CNTNAP1: variants seen among roughly 807,000 people sequenced by gnomAD.
CNTNAP1 encodes contactin associated protein 1.
In CNTNAP1, 80 loss-of-function variants were observed where a neutral mutation model predicts 161.5. The ratio of observed to expected loss-of-function variants is 0.50; its 90% confidence interval spans 0.41 to 0.60. The LOEUF (loss-of-function observed/expected upper bound fraction) is 0.60. Ranked by LOEUF, CNTNAP1 falls within the 20% of genes least tolerant of loss-of-function variation. CNTNAP1 has a pLI of 0.00. For missense variants in CNTNAP1, 1,464 were observed against 1,854.8 expected (o/e 0.79, Z 3.87); for synonymous variants, 695 against 733.1 (o/e 0.95, Z 0.84).
intron 6 of CNTNAP1, 23 bp from the exon 7 acceptor site, chr17:42,686,880 C>G: frequency 6.3e-7 from 1 of 1,584,186 alleles, no homozygotes; most frequent in East Asian, 2.3e-5. Context: ...CCCAAGAGGC[C>G]TCATTCCCCA....
At position 42,689,645 on chromosome 17, in the gene CNTNAP1, T is replaced by C; in HGVS notation, c.1735+18T>C. Reference sequence around the variant, plus strand: ...CCACACACGTAAGCCAGATGTGGTATGGGGGGAGTCAGGGACAAGGGAGGT... The same window carrying C: ...CCACACACGTAAGCCAGATGTGGTACGGGGGGAGTCAGGGACAAGGGAGGT... On this transcript the variant is annotated intron_variant, in intron 11 of 23. Transcript: ENST00000264638. The C allele has an allele frequency of 6.2e-7, 1 of 1,600,656 alleles. No homozygotes were observed. Among genetic ancestry groups the C allele is most frequent in the Non-Finnish European group, 8.6e-7 (1 of 1,168,092 alleles).
intron 1 of CNTNAP1, chr17:42,683,262 A>AAGGGGTGGGGTTTGTGGCT: frequency 3.9e-6 from 3 of 762,332 alleles, no homozygotes; most frequent in Non-Finnish European, 1.7e-6. Flanking sequence ...GGAGCTGGCC[A>AAGGGGTGGGGTTTGTGGCT]AGGGGTGGGG....
chr17:42,698,047 A>G (rs1217666547), intron 23 of CNTNAP1, 97 bp downstream of exon 23: 1 of 1,355,362 alleles, frequency 7.4e-7, no homozygotes, highest in African/African-American at 1.4e-5. Context: ...CAGGATGGCA[A>G]AGGCACTAGA....
Position 42,687,606 on chromosome 17 carries a change from C to CGCCAA in CNTNAP1, c.1045-113_1045-109dup. ...ACGTCATGGTTGGAGATCTCACCCC[C>CGCCAA]GCCAACACCGAAGGAGGGCGGTGAC... On this transcript the variant is annotated intron_variant, in intron 7 of 23. Transcript: ENST00000264638. This position sits in a 1 kb window ranked among gnomAD's most constrained non-coding sequence, Gnocchi z 4.7. 2 of 1,392,132 alleles carry CGCCAA rather than the reference C, an allele frequency of 1.4e-6. No homozygotes were observed. Among genetic ancestry groups the CGCCAA allele is most frequent in the South Asian group, 2.7e-5 (2 of 73,614 alleles). 86.2% of individuals were successfully genotyped at this position (1,392,132 alleles called of 1,614,324 possible). A position where few individuals can be genotyped will look rare whatever the true frequency, so the allele number is the denominator to read the frequency against.
rs764567288 is a variant in CNTNAP1, at chr17:42,687,023, C to T, written c.1021C>T (p.Arg341Cys). ...CAACATCGCAGACCTGGCCGTGCGGCGCCATTCCCGGATCACCTTCGAGGC... is the reference window on the plus strand; with the variant it reads ...CAACATCGCAGACCTGGCCGTGCGGTGCCATTCCCGGATCACCTTCGAGGC... ...RVNIADLAVR[R>C]HSRITFEGKV... Residue 341 changes from arginine to cysteine, a missense_variant, in exon 7 of 24, where the codon CGC (arginine) becomes TGC (cysteine). Coordinates refer to ENST00000264638, the MANE Select transcript of CNTNAP1 (RefSeq NM_003632.3). The surrounding 1 kb of genome is among the most constrained non-coding windows in gnomAD (Gnocchi z 4.7). 3 of 1,613,452 alleles carry T rather than the reference C, an allele frequency of 1.9e-6. No individual in the cohort carries two copies. Among genetic ancestry groups the T allele is most frequent in the Non-Finnish European group, 2.5e-6 (3 of 1,179,522 alleles).
In CNTNAP1 at chr17:42,691,308, G is replaced by A. The variant is rs746801959; in HGVS notation, c.2216+15G>A. ...CAGCCCCAGTGGTGAGGGGGCAAAGGGACAGGGTTTTTAGGACTCCGGGAG... is the reference window on the plus strand; with the variant it reads ...CAGCCCCAGTGGTGAGGGGGCAAAGAGACAGGGTTTTTAGGACTCCGGGAG... On this transcript the variant is annotated intron_variant, in intron 14 of 23. Transcript: ENST00000264638. The surrounding 1 kb of genome is among the most constrained non-coding windows in gnomAD (Gnocchi z 4.3). The A allele has an allele frequency of 8.1e-6, 13 of 1,613,998 alleles. No homozygotes were observed. The African/African-American group carries it at 1.6e-4, about 20-fold the overall frequency.
At position 42,686,972 on chromosome 17, in the gene CNTNAP1, A is replaced by C. The variant is rs773997395; in HGVS notation, c.970A>C (p.Ile324Leu). 2 of 1,614,026 alleles carry C rather than the reference A, an allele frequency of 1.2e-6. No homozygotes were observed. Among genetic ancestry groups the C allele is most frequent in the Non-Finnish European group, 8.5e-7 (1 of 1,179,964 alleles). ...CTATCGGCATAACTTCCGCGGCTGCATAGAAAACGTAATCTTCAACCGCGT... is the reference window on the plus strand; with the variant it reads ...CTATCGGCATAACTTCCGCGGCTGCCTAGAAAACGTAATCTTCAACCGCGT... ...LAYRHNFRGC[I>L]ENVIFNRVNI... The change falls in exon 7 of 24, where the codon ATA becomes CTA. Residue 324 changes from isoleucine (I) to leucine (L), a missense_variant. Physicochemically the swap from Ile to Leu is conservative, Grantham distance 5. Around this residue, in one of 3 missense-constraint regions of CNTNAP1, gnomAD observed 1,383 missense variants for 1,765.0 expected, o/e 0.78. Transcript: ENST00000264638.
Position 42,691,856 on chromosome 17 carries a change from C to T in CNTNAP1, c.2395C>T (p.Pro799Ser). 1.9e-6 allele frequency: 3 copies of T among 1,614,148 alleles called. No homozygotes were observed. Among genetic ancestry groups the T allele is most frequent in the Non-Finnish European group, 1.7e-6 (2 of 1,180,024 alleles). Residue 799 changes from proline (P) to serine (S), a missense_variant, in exon 16 of 24, where the codon CCC becomes TCC. Pro to Ser is a moderately conservative substitution (Grantham distance 74, BLOSUM62 -1). Coordinates refer to ENST00000264638, the MANE Select transcript of CNTNAP1 (RefSeq NM_003632.3). This position sits in a 1 kb window ranked among gnomAD's most constrained non-coding sequence, Gnocchi z 4.3. ...CCACACCGGGGCTGCACTACGCTTC[C>T]CCCCAATCCGTGCCAACCACAGCCT... The part of the protein sequence containing the change: ...SFHTGAALRF[P>S]PIRANHSLDV...
At position 42,696,026 on chromosome 17, in the gene CNTNAP1, G is replaced by A. The variant is rs1485893637; in HGVS notation, c.3348G>A (p.Gly1116=). The A allele has an allele frequency of 1.2e-6, 2 of 1,614,004 alleles. No homozygotes were observed. The highest frequency in any genetic ancestry group is 8.5e-7 in the Non-Finnish European group (1 of 1,179,986). The stretch of plus-strand genomic sequence containing the variant: ...AAATTTCTTCTCCCCACCCCACAGG[G>A]ACCCTTCAGCTGCGATATCAGCTGG... ...DYMAVLIKDD[G]TLQLRYQLGT... Residue 1116 remains glycine, a splice_region_variant and synonymous_variant, in exon 20 of 24, where the codon GGG becomes GGA. Coordinates refer to ENST00000264638, the MANE Select transcript of CNTNAP1 (RefSeq NM_003632.3).
At chr17:42,697,849 A>G in intron 22 of CNTNAP1, 50 bp downstream of exon 22, 2 of 1,614,162 alleles carry the variant, frequency 1.2e-6, no homozygotes, top group Non-Finnish European at 1.7e-6. Context: ...CACGGAAGGG[A>G]ATGATTCTTA....
At chr17:42,683,185 G>A in intron 1 of CNTNAP1, 1 of 576,132 alleles carries the variant, frequency 1.7e-6, no homozygotes, top group East Asian at 3.3e-5. Flanking sequence ...GCTAGGGCTG[G>A]GGGATAAGTG....
chr17:42,685,179 C>A lies in CNTNAP1; in HGVS notation c.512-38C>A, dbSNP rs762381959. 3.1e-6 allele frequency: 5 copies of A among 1,610,774 alleles called. No homozygotes were observed. In the South Asian group the frequency reaches 4.4e-5, roughly 14 times the overall value. On this transcript the variant is annotated intron_variant, in intron 4 of 23. Transcript: ENST00000264638. The surrounding 1 kb of genome is among the most constrained non-coding windows in gnomAD (Gnocchi z 5.0). ...GCGCGGAGGGGGCCTGGGAGACAGC[C>A]TCCCCAGTTCCCGGCCCACCTACGG...
At position 42,687,736 on chromosome 17, in the gene CNTNAP1, G is replaced by A. The variant is rs1342471394; in HGVS notation, c.1061G>A (p.Arg354His). ...RITFEGKVAFRCLDPVPHPIN... is the reference protein window; with the variant it reads ...RITFEGKVAFHCLDPVPHPIN... ...TGCCCCTAGGGTAAGGTGGCTTTTC[G>A]TTGCCTGGACCCGGTACCGCACCCT... Residue 354 changes from arginine (R) to histidine (H), a missense_variant, in exon 8 of 24, where the codon CGT becomes CAT. By Grantham distance (29) the Arg-to-His change is conservative (BLOSUM62 0). This residue lies in a region of CNTNAP1 where 1,383 missense variants were observed against 1,765.0 expected (regional missense o/e 0.78). Coordinates refer to ENST00000264638, the MANE Select transcript of CNTNAP1 (RefSeq NM_003632.3). This position sits in a 1 kb window ranked among gnomAD's most constrained non-coding sequence, Gnocchi z 4.7. The A allele has an allele frequency of 1.9e-6, 3 of 1,613,908 alleles. No individual in the cohort carries two copies. The highest frequency in any genetic ancestry group is 2.2e-5 in the South Asian group (2 of 91,082).
chr17:42,692,106 A>G lies in CNTNAP1; in HGVS notation c.2530+115A>G. The stretch of plus-strand genomic sequence containing the variant: ...ATGCCCTTTTGACAGGCAGCATGGG[A>G]AGGGTTGAGATACCCTATGTTCTAG... On this transcript the variant is annotated intron_variant, in intron 16 of 23. Coordinates refer to ENST00000264638, the MANE Select transcript of CNTNAP1 (RefSeq NM_003632.3). 5.4e-6 allele frequency: 6 copies of G among 1,111,960 alleles called. No homozygotes were observed. In the South Asian group the frequency reaches 8.5e-5, roughly 16 times the overall value. 68.9% of individuals were successfully genotyped at this position (1,111,960 alleles called of 1,614,324 possible). A position where few individuals can be genotyped will look rare whatever the true frequency, so the allele number is the denominator to read the frequency against.
chr17:42,682,895 CTG>C lies in CNTNAP1; in HGVS notation c.67+2_67+3del. Reference sequence around the variant, plus strand: ...TCTCAGGAGCCGAGGGCTGGGGCTACTGTGAGTGTTGGGCTTGGAGGCAGGTG... The same window carrying C: ...TCTCAGGAGCCGAGGGCTGGGGCTACTGAGTGTTGGGCTTGGAGGCAGGTG... On this transcript the variant is annotated splice_donor_variant and coding_sequence_variant, in exon 1 of 24. Transcript: ENST00000264638. LOFTEE classifies it high-confidence loss of function. The C allele has an allele frequency of 6.3e-7, 1 of 1,599,762 alleles. No individual in the cohort carries two copies. The highest frequency in any genetic ancestry group is 8.5e-7 in the Non-Finnish European group (1 of 1,174,290).
chr17:42,697,462 C>A (rs2053165841), intron 21 of CNTNAP1, 92 bp from the exon 22 acceptor site: 1 of 1,605,860 alleles, frequency 6.2e-7, no homozygotes, highest in East Asian at 2.2e-5. Flanking sequence ...TGGCTGAGGG[C>A]AGTGGGAAGG....
intron 18 of CNTNAP1, among the ~76,000 whole-genome samples, chr17:42,693,798 G>C (rs1355234845): frequency 6.6e-6 from 1 of 152,090 alleles, no homozygotes; most frequent in Non-Finnish European, 1.5e-5. Flanking sequence ...AAGGTGGGAG[G>C]ATTGCTTGAG....
chr17:42,688,379 G>T, intron 8 of CNTNAP1, 83 bp from the exon 9 acceptor site: 1 of 1,579,312 alleles, frequency 6.3e-7, no homozygotes, highest in Non-Finnish European at 8.7e-7. Context: ...GGACACAGTG[G>T]GGCTGCTGCT....
In CNTNAP1 at chr17:42,688,860, G is replaced by T. The variant is rs184615842; in HGVS notation, c.1457-16G>T. ...GGTCTCCCCTGGGGAGGATCTCACA[G>T]GGGTGGTTGCTCCAGGTTGTCCCAA... On this transcript the variant is annotated splice_polypyrimidine_tract_variant and intron_variant, in intron 9 of 23. Coordinates refer to ENST00000264638, the MANE Select transcript of CNTNAP1 (RefSeq NM_003632.3). 1 of 1,613,676 alleles carries T rather than the reference G, an allele frequency of 6.2e-7. No individual in the cohort carries two copies. Among genetic ancestry groups the T allele is most frequent in the African/African-American group, 1.3e-5 (1 of 75,034 alleles).
Sources: allele counts gnomAD v4.1 joint callset (sites outside exome capture counted in the v4.1 genomes callset), GRCh38; gene constraint gnomAD v4.1.1; regional missense constraint gnomAD v4.1.1; non-coding constraint Gnocchi (gnomAD v3.1); transcripts MANE v1.5; gene names NCBI Gene and HGNC (gene_info 2026-07-23, HGNC 2026-07-21).